The following MSANTD1 variants were observed in gnomAD, a reference collection of about 807,000 sequenced individuals.
MSANTD1 encodes Myb/SANT DNA binding domain containing 1, also known as myb/SANT-like DNA-binding domain-containing protein 1.
A neutral mutation model predicts 24.2 loss-of-function variants in MSANTD1; 7 were observed. That is an observed-to-expected ratio of 0.29 (90% CI 0.16 to 0.54). The LOEUF is 0.54. Among genes scored for constraint, MSANTD1 ranks in the 20% least tolerant of loss-of-function variants. MSANTD1 has a pLI of 0.94. For missense variants in MSANTD1, 384 were observed against 408.2 expected (o/e 0.94, Z 0.51); for synonymous variants, 177 against 181.1 (o/e 0.98, Z 0.18).
chr4:3,247,590 C>T (rs560334767), upstream of MSANTD1: 6 of 152,430 alleles, frequency 3.9e-5, no homozygotes, highest in South Asian at 1.2e-3. Flanking sequence ...GTGGAGATGC[C>T]CCAGTGCCAG....
rs1560616039 is a variant in MSANTD1, at chr4:3,249,542, GGTGGGCGAGCGGGCAGT to G, written c.320+7_320+23del. 1.9e-6 allele frequency: 3 copies of G among 1,606,236 alleles called. No homozygotes were observed. Among genetic ancestry groups the G allele is most frequent in the Middle Eastern group, 1.7e-4 (1 of 6,048 alleles). ...ATCACCAACATGACCTTCCAGTACA[GGTGGGCGAGCGGGCAGT>G]GTGGGCCCCACCAGGACGGGCGGGC... is the stretch of plus-strand genomic sequence containing the variant. On this transcript the variant is annotated splice_donor_variant and splice_donor_5th_base_variant and intron_variant, in intron 1 of 2. Coordinates refer to ENST00000438480, the MANE Select transcript of MSANTD1 (RefSeq NM_001042690.2). LOFTEE classifies it high-confidence loss of function.
At chr4:3,246,724 C>A, upstream of MSANTD1, 2 of 671,788 alleles carry the variant, frequency 3.0e-6, no homozygotes, top group Admixed American at 2.2e-5. Context: ...CAGGCAGGAG[C>A]AGCTGGGTGC....
chr4:3,247,748 C>T (rs1407750211), upstream of MSANTD1: 1 of 152,254 alleles, frequency 6.6e-6, no homozygotes, highest in East Asian at 1.9e-4. Context: ...GGGGCCCTCC[C>T]CATACACTTC....
Position 3,249,197 on chromosome 4 carries a change from G to A in MSANTD1, c.-26G>A. The A allele has an allele frequency of 7.3e-7, 1 of 1,364,230 alleles. No individual in the cohort carries two copies. Among genetic ancestry groups the A allele is most frequent in the South Asian group, 1.8e-5 (1 of 54,844 alleles). 84.5% of individuals were successfully genotyped at this position (1,364,230 alleles called of 1,614,324 possible). Reference sequence around the variant, plus strand: ...ATTTTGAGCGTGGAGCTGCCTTCGAGCGAGCGTGAGCGGCGCCTCCCGCCC... The same window carrying A: ...ATTTTGAGCGTGGAGCTGCCTTCGAACGAGCGTGAGCGGCGCCTCCCGCCC... On this transcript the variant is annotated 5_prime_UTR_variant, in exon 1 of 3. Coordinates refer to ENST00000438480, the MANE Select transcript of MSANTD1 (RefSeq NM_001042690.2).
chr4:3,253,938 G>A (rs571958239), intron 2 of MSANTD1, among the ~76,000 whole-genome samples: 13 of 152,286 alleles, frequency 8.5e-5, no homozygotes, highest in African/African-American at 2.9e-4. Context: ...GGAGGGTGTC[G>A]GGCTGCACCT....
In MSANTD1 at chr4:3,253,264, A is replaced by G. The variant is rs1722284057; in HGVS notation, c.378A>G (p.Leu126=). The G allele has an allele frequency of 6.2e-7, 1 of 1,604,786 alleles. No individual in the cohort carries two copies. Among genetic ancestry groups the G allele is most frequent in the Non-Finnish European group, 8.5e-7 (1 of 1,174,298 alleles). ...CCCCGCCCGACTGGCCCTATTACCT[A>G]GCCATTGATGGGATTCTGGCCAAGG... is the stretch of plus-strand genomic sequence containing the variant. The part of the protein sequence containing the change: ...ESAPPDWPYY[L]AIDGILAKVP... Residue 126 remains leucine, a synonymous_variant, in exon 2 of 3, where the codon CTA becomes CTG. Transcript: ENST00000438480.
intron 2 of MSANTD1, 28 bp downstream of exon 2, chr4:3,253,510 C>T (rs2110322105): frequency 6.8e-7 from 1 of 1,473,612 alleles, no homozygotes. Flanking sequence ...CCTTCCCCTG[C>T]CCTGGGGTAT....
chr4:3,254,537 G>T (rs1363024801), intron 2 of MSANTD1, among the ~76,000 whole-genome samples: 2 of 152,220 alleles, frequency 1.3e-5, no homozygotes, highest in African/African-American at 4.8e-5. Flanking sequence ...ACGCCCCTGA[G>T]GTTGGCTGTA....
chr4:3,246,812 G>T (rs362291), upstream of MSANTD1: 12 of 574,776 alleles, frequency 2.1e-5, no homozygotes, highest in African/African-American at 7.6e-5. Context: ...CTCGGGAAAG[G>T]CCATGGAGCT....
upstream of MSANTD1, chr4:3,248,602 G>T (rs1722109435): frequency 6.6e-6 from 1 of 152,520 alleles, no homozygotes; most frequent in East Asian, 1.9e-4. Context: ...AAGGCCCAGG[G>T]CGCCTGGGGG....
At chr4:3,246,123 C>G (rs1362774530), upstream of MSANTD1, among the ~76,000 whole-genome samples, 1 of 152,218 alleles carries the variant, frequency 6.6e-6, no homozygotes, top group Non-Finnish European at 1.5e-5. Context: ...ACATCCTTCC[C>G]CTCCTGGCCC....
chr4:3,253,500 C>T lies in MSANTD1; in HGVS notation c.596+18C>T. 1 of 1,498,676 alleles carries T rather than the reference C, an allele frequency of 6.7e-7. No homozygotes were observed. Among genetic ancestry groups the T allele is most frequent in the Admixed American group, 2.1e-5 (1 of 48,122 alleles). The allele number at this position is 1,498,676 out of a possible 1,614,324, so 92.8% of individuals were successfully genotyped here. ...AAGTTCAGGTAGTGTGTCTGCTTGT[C>T]CTTCCCCTGCCCTGGGGTATCTCAG... On this transcript the variant is annotated intron_variant, in intron 2 of 2. Coordinates refer to ENST00000438480, the MANE Select transcript of MSANTD1 (RefSeq NM_001042690.2).
upstream of MSANTD1, chr4:3,246,815 A>T: frequency 1.7e-6 from 1 of 576,122 alleles, no homozygotes; most frequent in Non-Finnish European, 3.1e-6. Flanking sequence ...GGGAAAGGCC[A>T]TGGAGCTTGC....
chr4:3,249,193 T>G lies in MSANTD1; in HGVS notation c.-30T>G, dbSNP rs1722130080. ...CCCCATTTTGAGCGTGGAGCTGCCT[T>G]CGAGCGAGCGTGAGCGGCGCCTCCC... On this transcript the variant is annotated 5_prime_UTR_variant, in exon 1 of 3. Coordinates refer to ENST00000438480, the MANE Select transcript of MSANTD1 (RefSeq NM_001042690.2). 3 of 1,358,748 alleles carry G rather than the reference T, an allele frequency of 2.2e-6. No homozygotes were observed. The highest frequency in any genetic ancestry group is 2.8e-6 in the Non-Finnish European group (3 of 1,059,066). The allele number at this position is 1,358,748 out of a possible 1,614,324, so 84.2% of individuals were successfully genotyped here. A position where few individuals can be genotyped will look rare whatever the true frequency, so the allele number is the denominator to read the frequency against.
upstream of MSANTD1, chr4:3,244,588 C>T (rs762818872): frequency 3.3e-5 from 5 of 152,308 alleles, no homozygotes; most frequent in Non-Finnish European, 5.9e-5. Flanking sequence ...GAAGCCTCTG[C>T]TCAGCCCAGC....
At chr4:3,250,221 G>A (rs1722181048) in intron 1 of MSANTD1, among the ~76,000 whole-genome samples, 1 of 152,196 alleles carries the variant, frequency 6.6e-6, no homozygotes, top group Non-Finnish European at 1.5e-5. Context: ...GCCTGCCCTG[G>A]CCCAGGACTC....
Position 3,255,822 on chromosome 4 carries a change from C to G in MSANTD1, c.694C>G (p.Arg232Gly), listed in dbSNP as rs1001509598. 2 of 1,546,100 alleles carry G rather than the reference C, an allele frequency of 1.3e-6. No individual in the cohort carries two copies. Among genetic ancestry groups the G allele is most frequent in the South Asian group, 2.4e-5 (2 of 83,938 alleles). ...GGAGGCCATGGTGGAGGAGCAGCGC[C>G]GGCTGAGCCGCGCCGTGGAGGAGAC... is the stretch of plus-strand genomic sequence containing the variant. The part of the protein sequence containing the change: ...LLEAMVEEQR[R>G]LSRAVEETCR... The change falls in exon 3 of 3, where the codon CGG becomes GGG. Residue 232 changes from arginine to glycine, a missense_variant. Physicochemically the swap from Arg to Gly is moderately radical, Grantham distance 125 (BLOSUM62 -2). Transcript: ENST00000438480.
chr4:3,245,762 C>G (rs1057462710), upstream of MSANTD1, among the ~76,000 whole-genome samples: 1 of 152,244 alleles, frequency 6.6e-6, no homozygotes, highest in African/African-American at 2.4e-5. Context: ...GCTTGAGCCA[C>G]AGAGGACCCA....
chr4:3,253,905 G>T (rs1722308942), intron 2 of MSANTD1, among the ~76,000 whole-genome samples: 1 of 152,224 alleles, frequency 6.6e-6, no homozygotes, highest in Non-Finnish European at 1.5e-5. Flanking sequence ...ACCCTCACAG[G>T]CTAGCTGCCC....
Sources: allele counts gnomAD v4.1 joint callset (sites outside exome capture counted in the v4.1 genomes callset), GRCh38; gene constraint gnomAD v4.1.1; transcripts MANE v1.5; gene names NCBI Gene and HGNC (gene_info 2026-07-23, HGNC 2026-07-21).